The following PGPEP1L variants were observed in gnomAD, a reference collection of about 807,000 sequenced individuals.
PGPEP1L encodes pyroglutamyl-peptidase I like.
In PGPEP1L, 7 loss-of-function variants were observed where a neutral mutation model predicts 6.0. The observed-to-expected ratio is 1.17, with a 90% confidence interval of 0.66 to 2.19. The LOEUF (loss-of-function observed/expected upper bound fraction) is 2.19. Among genes scored for constraint, PGPEP1L ranks in the 30% most tolerant of loss-of-function variants. PGPEP1L has a pLI of 0.00. For missense variants in PGPEP1L, 209 were observed against 192.5 expected, an observed-to-expected ratio of 1.09 and a Z score of -0.51; for synonymous variants, 103 against 83.9, an observed-to-expected ratio of 1.23 and a Z score of -1.24.
chr15:98,969,761 T>G, intron 3 of PGPEP1L, 110 bp from the exon 4 acceptor site: 1 of 1,107,200 alleles, frequency 9.0e-7, no homozygotes, highest in African/African-American at 1.5e-5. Context: ...GTGCAAAACA[T>G]CTCAAACCCC....
intron 2 of PGPEP1L, among the ~76,000 whole-genome samples, chr15:98,993,862 AAAAAC>A (rs1440624733): frequency 4.6e-5 from 7 of 152,222 alleles, no homozygotes; most frequent in Admixed American, 6.5e-5. Context: ...ACAAAATTGA[AAAAAC>A]AAAACAACAA....
chr15:98,992,963 CTT>C (rs1283799670), intron 2 of PGPEP1L, among the ~76,000 whole-genome samples: 1 of 152,142 alleles, frequency 6.6e-6, no homozygotes, highest in Non-Finnish European at 1.5e-5. Flanking sequence ...GGATTAAAGA[CTT>C]AAACGTAAGA....
intron 2 of PGPEP1L, among the ~76,000 whole-genome samples, chr15:98,977,699 G>C (rs2017590498): frequency 1.3e-5 from 2 of 152,180 alleles, no homozygotes; most frequent in South Asian, 2.1e-4. Flanking sequence ...CTGGTAGGTT[G>C]GTAGTGTTGT....
rs187720755 is a variant in PGPEP1L, at chr15:98,997,836, G to A, written c.-142+7593C>T. On this transcript the variant is annotated intron_variant, in intron 2 of 4. Coordinates refer to ENST00000535714, the MANE Select transcript of PGPEP1L (RefSeq NM_001167902.2). The stretch of plus-strand genomic sequence containing the variant: ...ACAGACAATAGAAACCTCGCTCTGG[G>A]CCAGCGAACCTGCTCTGAGGACACT... 1.2e-3 allele frequency among the ~76,000 whole-genome samples: 180 copies of A among 152,194 alleles called. 2 individuals carry two copies. The East Asian group carries it at 0.024, about 20-fold the overall frequency.
intron 2 of PGPEP1L, among the ~76,000 whole-genome samples, chr15:99,002,041 TCA>T (rs781798854): frequency 2.0e-5 from 3 of 152,126 alleles, no homozygotes; most frequent in Non-Finnish European, 4.4e-5. Flanking sequence ...AGACAGGATC[TCA>T]CTCTGTCATG....
chr15:98,996,760 G>A (rs577296442), intron 2 of PGPEP1L, among the ~76,000 whole-genome samples: 3 of 152,164 alleles, frequency 2.0e-5, no homozygotes, highest in African/African-American at 7.2e-5. Flanking sequence ...CCATGCAGAG[G>A]CTCTATCTTA....
intron 2 of PGPEP1L, among the ~76,000 whole-genome samples, chr15:99,001,923 G>T (rs2017977372): frequency 6.6e-6 from 1 of 152,090 alleles, no homozygotes; most frequent in South Asian, 2.1e-4. Flanking sequence ...TCACTATGTT[G>T]GCCAGGCTGG....
At chr15:98,983,751 T>C (rs2017702873) in intron 2 of PGPEP1L, among the ~76,000 whole-genome samples, 1 of 152,228 alleles carries the variant, frequency 6.6e-6, no homozygotes, top group African/African-American at 2.4e-5. Context: ...TTAAGTCGCT[T>C]TTCTGGGAGT....
chr15:98,981,354 C>G (rs7166190), intron 2 of PGPEP1L, among the ~76,000 whole-genome samples: 130,764 of 151,798 alleles, frequency 0.86, 56,773 homozygotes, highest in Non-Finnish European at 0.91. Context: ...GCCGGGCGTG[C>G]TGGCGGGCGC....
intron 2 of PGPEP1L, among the ~76,000 whole-genome samples, chr15:98,986,601 A>AAC (rs1224390791): frequency 6.6e-6 from 1 of 152,006 alleles, no homozygotes; most frequent in Non-Finnish European, 1.5e-5. Context: ...TGAATCATTG[A>AAC]ACCTGGGGTT....
intron 2 of PGPEP1L, among the ~76,000 whole-genome samples, chr15:98,982,466 A>G (rs895520023): frequency 6.6e-6 from 1 of 152,176 alleles, no homozygotes; most frequent in Admixed American, 6.5e-5. Flanking sequence ...CTTCCCACTA[A>G]CAAGGTGGGG....
chr15:98,978,984 T>C (rs377630781), intron 2 of PGPEP1L, among the ~76,000 whole-genome samples: 1 of 151,882 alleles, frequency 6.6e-6, no homozygotes. Context: ...CACCTTGGCC[T>C]CCCAAACTGC....
chr15:98,976,063 GGGAA>G (rs2017565029), intron 2 of PGPEP1L, among the ~76,000 whole-genome samples: 1 of 152,048 alleles, frequency 6.6e-6, no homozygotes, highest in Non-Finnish European at 1.5e-5. Context: ...CAGACGTTGG[GGGAA>G]GGAAGAAATG....
chr15:98,980,056 G>A (rs1291832103), intron 2 of PGPEP1L, among the ~76,000 whole-genome samples: 1 of 152,092 alleles, frequency 6.6e-6, no homozygotes, highest in Non-Finnish European at 1.5e-5. Context: ...AGCAGGTGAG[G>A]GATGAAAGAC....
intron 2 of PGPEP1L, 32 bp downstream of exon 2, chr15:99,005,393 CAACA>C (rs1456085039): frequency 2.0e-5 from 3 of 152,584 alleles, no homozygotes; most frequent in African/African-American, 7.2e-5. Context: ...CTAAAAGCAG[CAACA>C]AATAGGAGAG....
At chr15:98,997,935 A>G (rs1471801920) in intron 2 of PGPEP1L, among the ~76,000 whole-genome samples, 2 of 152,094 alleles carry the variant, frequency 1.3e-5, no homozygotes, top group Non-Finnish European at 2.9e-5. Context: ...GAGGCAGACA[A>G]GTCACAACCC....
intron 2 of PGPEP1L, among the ~76,000 whole-genome samples, chr15:98,979,630 A>ATTTTTTTT (rs1882033817): frequency 1.9e-5 from 2 of 105,926 alleles, no homozygotes; most frequent in African/African-American, 3.8e-5. Context: ...ATTGGAGACT[A>ATTTTTTTT]TTCTTTTTTT....
intron 2 of PGPEP1L, among the ~76,000 whole-genome samples, chr15:98,990,622 A>G (rs192126619): frequency 1.3e-5 from 2 of 152,368 alleles, no homozygotes; most frequent in Non-Finnish European, 2.9e-5. Context: ...CCTAAGAGAC[A>G]TCTACAGAAC....
At chr15:99,006,153 C>T (rs1162495071) in intron 1 of PGPEP1L, among the ~76,000 whole-genome samples, 4 of 152,222 alleles carry the variant, frequency 2.6e-5, no homozygotes, top group Admixed American at 6.5e-5. Flanking sequence ...AACCTCTGTG[C>T]TCAGGTTTCC....
Sources: allele counts gnomAD v4.1 joint callset (sites outside exome capture counted in the v4.1 genomes callset), GRCh38; gene constraint gnomAD v4.1.1; transcripts MANE v1.5; gene names NCBI Gene and HGNC (gene_info 2026-07-23, HGNC 2026-07-21).